Variants in TENM2 observed in about 807,000 individuals in gnomAD.
TENM2 encodes the protein teneurin transmembrane protein 2.
In TENM2, 52 loss-of-function variants were observed where a neutral mutation model predicts 245.2. The observed-to-expected ratio is 0.21, with a 90% CI of 0.17 to 0.27. The LOEUF (loss-of-function observed/expected upper bound fraction) is 0.27. TENM2 is among the 10% of genes least tolerant of loss of function. The pLI, the probability that TENM2 is intolerant of heterozygous loss-of-function variation, is 1.00. For synonymous variants in TENM2, 1,363 were observed against 1,438.9 expected (o/e 0.95, Z 1.19); for missense variants, 3,046 against 3,666.8 (o/e 0.83, Z 4.37).
chr5:167,390,117 T>A (rs1761666478), intron 2 of TENM2, among the ~76,000 whole-genome samples: 1 of 152,190 alleles, frequency 6.6e-6, no homozygotes, highest in African/African-American at 2.4e-5. Flanking sequence ...CTTGGCTGCA[T>A]TTTCAAAAGC....
chr5:167,299,645 T>C (rs571966856), intron 1 of TENM2, among the ~76,000 whole-genome samples: 94 of 152,238 alleles, frequency 6.2e-4, no homozygotes, highest in African/African-American at 2.2e-3. Flanking sequence ...TTTGCTGGTG[T>C]GTGGCGATTA....
chr5:167,504,124 T>C (rs1379571317), intron 2 of TENM2, among the ~76,000 whole-genome samples: 1 of 152,186 alleles, frequency 6.6e-6, no homozygotes, highest in Non-Finnish European at 1.5e-5. Context: ...GATGCAGTTT[T>C]TGTCCAATGG....
At chr5:167,000,475 TCTAA>T in the TENM2 span, among the ~76,000 whole-genome samples, 230 of 152,310 alleles carry the variant, frequency 1.5e-3, 1 homozygote, top group African/African-American at 5.2e-3. Context: ...AAAACTGACC[TCTAA>T]CTACCAAACT....
At chr5:167,257,164 G>A in the TENM2 span, among the ~76,000 whole-genome samples, 1 of 151,896 alleles carries the variant, frequency 6.6e-6, no homozygotes, top group East Asian at 1.9e-4. Flanking sequence ...AATAAATTAG[G>A]TTATACAGAT....
At chr5:167,334,811 G>A (rs893006123) in intron 1 of TENM2, among the ~76,000 whole-genome samples, 8 of 152,260 alleles carry the variant, frequency 5.3e-5, no homozygotes, top group Admixed American at 5.2e-4. Context: ...CAAGCATTTT[G>A]CAATCGTCAC....
intron 2 of TENM2, among the ~76,000 whole-genome samples, chr5:167,603,118 G>T (rs1776757182): frequency 6.6e-6 from 1 of 152,114 alleles, no homozygotes; most frequent in African/African-American, 2.4e-5. Flanking sequence ...GTGAGAGAAG[G>T]TTATAGAAAC....
At chr5:168,120,213 C>T (rs1369438316) in intron 10 of TENM2, among the ~76,000 whole-genome samples, 1 of 150,810 alleles carries the variant, frequency 6.6e-6, no homozygotes, top group East Asian at 2.0e-4. Context: ...GTCTGACCCC[C>T]AGATCTTCAC....
At chr5:167,833,638 G>A (rs1235880612) in intron 2 of TENM2, among the ~76,000 whole-genome samples, 2 of 152,212 alleles carry the variant, frequency 1.3e-5, no homozygotes, top group Non-Finnish European at 2.9e-5. Context: ...CTAACAAAGA[G>A]AAAGGCACCA....
At chr5:167,221,605 A>G in the TENM2 span, among the ~76,000 whole-genome samples, 1 of 152,332 alleles carries the variant, frequency 6.6e-6, no homozygotes, top group African/African-American at 2.4e-5. Flanking sequence ...CAAGCAATTT[A>G]TAGAATACCA....
At chr5:168,120,391 G>A (rs1032769566) in intron 10 of TENM2, among the ~76,000 whole-genome samples, 1 of 152,142 alleles carries the variant, frequency 6.6e-6, no homozygotes, top group Non-Finnish European at 1.5e-5. Flanking sequence ...AGCTGCATTC[G>A]CTGAAAACAT....
chr5:167,621,148 C>CT (rs1255453631), intron 2 of TENM2, among the ~76,000 whole-genome samples: 1 of 152,082 alleles, frequency 6.6e-6, no homozygotes, highest in Non-Finnish European at 1.5e-5. Context: ...GGAGCAAAGT[C>CT]TACAACATGA....
chr5:167,086,918 AACACACACACGC>A, the TENM2 span, among the ~76,000 whole-genome samples: 3,738 of 109,972 alleles, frequency 0.034, 77 homozygotes, highest in Middle Eastern at 0.065. Flanking sequence ...AGGAAACTCT[AACACACACACGC>A]ACACACACAC....
the TENM2 span, among the ~76,000 whole-genome samples, chr5:167,269,273 T>A: frequency 1.3e-5 from 2 of 152,142 alleles, no homozygotes; most frequent in Non-Finnish European, 2.9e-5. Flanking sequence ...TTTTTTGAGA[T>A]GTCTTGTAAA....
At chr5:167,634,152 G>T (rs555807976) in intron 2 of TENM2, among the ~76,000 whole-genome samples, 2 of 152,288 alleles carry the variant, frequency 1.3e-5, no homozygotes, top group East Asian at 3.9e-4. Context: ...ATGATTCAAT[G>T]AACTTAAAAA....
chr5:167,107,478 G>A, the TENM2 span, among the ~76,000 whole-genome samples: 1 of 152,172 alleles, frequency 6.6e-6, no homozygotes, highest in Non-Finnish European at 1.5e-5. Context: ...TAAAGATTCA[G>A]AGGGTTATCA....
the TENM2 span, among the ~76,000 whole-genome samples, chr5:167,170,443 C>T: frequency 6.6e-6 from 1 of 152,134 alleles, no homozygotes; most frequent in Non-Finnish European, 1.5e-5. Context: ...AGTGTATAAA[C>T]TCTCTGGGAT....
intron 2 of TENM2, among the ~76,000 whole-genome samples, chr5:167,646,780 G>A (rs1252244276): frequency 6.6e-6 from 1 of 152,104 alleles, no homozygotes; most frequent in African/African-American, 2.4e-5. Context: ...CCCAGCATTA[G>A]GCGTATAATT....
At chr5:167,445,336 T>A (rs7712523) in intron 2 of TENM2, among the ~76,000 whole-genome samples, 2 of 77,316 alleles carry the variant, frequency 2.6e-5, no homozygotes, top group African/African-American at 5.6e-5. Context: ...TATATATATA[T>A]AGAGAGAGAG....
At chr5:167,222,917 A>G in the TENM2 span, among the ~76,000 whole-genome samples, 18,841 of 152,198 alleles carry the variant, frequency 0.12, 1,382 homozygotes, top group South Asian at 0.18. Context: ...TTCTATGTGC[A>G]TGCCATTATT....
Sources: allele counts gnomAD v4.1 joint callset (sites outside exome capture counted in the v4.1 genomes callset), GRCh38; gene constraint gnomAD v4.1.1; transcripts MANE v1.5; gene names NCBI Gene and HGNC (gene_info 2026-07-23, HGNC 2026-07-21).